Variants in MBNL2 observed in about 807,000 individuals in gnomAD.
MBNL2 encodes muscleblind like splicing regulator 2, also known as muscleblind-like protein 2.
A neutral mutation model predicts 41.9 loss-of-function variants in MBNL2; 17 were observed. The observed-to-expected ratio is 0.41, with a 90% CI of 0.28 to 0.61. The LOEUF is 0.61. MBNL2 is among the 20% of genes least tolerant of loss of function. MBNL2 has a pLI of 0.35. For synonymous variants in MBNL2, 195 were observed against 182.9 expected, an observed-to-expected ratio of 1.07 and a Z score of -0.53; for missense variants, 336 against 505.6, an observed-to-expected ratio of 0.66 and a Z score of 3.22.
upstream of MBNL2, among the ~76,000 whole-genome samples, chr13:97,221,859 A>T (rs2040887617): frequency 6.6e-6 from 1 of 152,278 alleles, no homozygotes; most frequent in Admixed American, 6.5e-5. Flanking sequence ...AATAATGGAA[A>T]TATGTAAATG....
At chr13:97,153,889 T>C in the MBNL2 span, among the ~76,000 whole-genome samples, 2 of 152,188 alleles carry the variant, frequency 1.3e-5, no homozygotes, top group African/African-American at 4.8e-5. Context: ...TTCTCCTATA[T>C]ATCACTCCTA....
chr13:97,366,735 C>CTGTT lies in MBNL2; in HGVS notation c.1048+1564_1048+1565insTGTT. ...ACTTATTTAGAGTTAACATTTACTGCAAATAATGATGTAGCTATGTTTTGT... is the reference window on the plus strand; with the variant it reads ...ACTTATTTAGAGTTAACATTTACTGCTGTTAAATAATGATGTAGCTATGTTTTGT... On this transcript the variant is annotated intron_variant, in intron 8 of 8. Transcript: ENST00000679496. This position sits in a 1 kb window ranked among gnomAD's most constrained non-coding sequence, Gnocchi z 4.7. 1.5e-6 allele frequency: 1 copy of CTGTT among 667,130 alleles called. No individual in the cohort carries two copies. Among genetic ancestry groups the CTGTT allele is most frequent in the South Asian group, 1.6e-5 (1 of 61,040 alleles). The allele number at this position is 667,130 out of a possible 1,614,324, so 41.3% of individuals were successfully genotyped here.
intron 1 of MBNL2, among the ~76,000 whole-genome samples, chr13:97,255,695 A>C (rs1198091701): frequency 1.3e-5 from 2 of 152,218 alleles, no homozygotes; most frequent in African/African-American, 4.8e-5. Context: ...TGCAAATAGG[A>C]AAGCTGGTTG....
intron 5 of MBNL2, among the ~76,000 whole-genome samples, chr13:97,349,293 G>A (rs757740908): frequency 9.9e-5 from 15 of 152,142 alleles, no homozygotes; most frequent in Non-Finnish European, 1.8e-4. Flanking sequence ...GAGGAGGAGA[G>A]TAAACTGATC....
intron 2 of MBNL2, among the ~76,000 whole-genome samples, chr13:97,297,804 C>T (rs2057214593): frequency 6.6e-6 from 1 of 152,210 alleles, no homozygotes; most frequent in Non-Finnish European, 1.5e-5. Flanking sequence ...AATGCAGTTG[C>T]AGACGAAGTT....
the MBNL2 span, among the ~76,000 whole-genome samples, chr13:97,156,270 T>TCC: frequency 1.5e-5 from 2 of 137,086 alleles, no homozygotes; most frequent in African/African-American, 2.8e-5. Context: ...TAAATTTGTT[T>TCC]GAGTTCATTG....
rs1317928111 is a variant in MBNL2 at position 97,348,162 on chromosome 13, A to G, written c.804+1095A>G. On this transcript the variant is annotated intron_variant, in intron 5 of 8. Transcript: ENST00000679496. ...TGATCATGGGTCACTGTAGCTTTAA[A>G]CTCCTGGGCTCAAGTGATCCTCCCA... 2.9e-5 allele frequency among the ~76,000 whole-genome samples: 4 copies of G among 138,908 alleles called. No individual in the cohort carries two copies. In the Admixed American group the frequency reaches 2.9e-4, roughly 10 times the overall value. 91.1% of individuals were successfully genotyped at this position (138,908 alleles called of 152,430 possible).
At chr13:97,191,249 A>C in the MBNL2 span, among the ~76,000 whole-genome samples, 1 of 151,388 alleles carries the variant, frequency 6.6e-6, no homozygotes, top group African/African-American at 2.4e-5. Context: ...AAGGGTGTGC[A>C]CTGGGGTGGA....
At chr13:97,297,452 G>GA (rs557283906) in intron 2 of MBNL2, among the ~76,000 whole-genome samples, 92 of 152,190 alleles carry the variant, frequency 6.0e-4, no homozygotes, top group Middle Eastern at 3.4e-3. Flanking sequence ...GCGGAGGTCA[G>GA]AAAAAACATC....
the MBNL2 span, among the ~76,000 whole-genome samples, chr13:97,184,078 G>A: frequency 1.3e-5 from 2 of 152,114 alleles, no homozygotes; most frequent in African/African-American, 2.4e-5. Context: ...CCAAACCATG[G>A]GTTTTAAAAA....
At chr13:97,275,113 T>C (rs1238431952) in intron 1 of MBNL2, among the ~76,000 whole-genome samples, 1 of 152,240 alleles carries the variant, frequency 6.6e-6, no homozygotes, top group South Asian at 2.1e-4. Context: ...AGTATTAAGA[T>C]ACCTGAGAAA....
At chr13:97,277,977 C>T (rs141315364) in intron 2 of MBNL2, among the ~76,000 whole-genome samples, 140 of 152,028 alleles carry the variant, frequency 9.2e-4, no homozygotes, top group African/African-American at 3.1e-3. Flanking sequence ...CAGTGTAGGC[C>T]GGGCATGGTG....
intron 8 of MBNL2, among the ~76,000 whole-genome samples, chr13:97,383,592 T>C (rs926394314): frequency 7.2e-5 from 11 of 152,164 alleles, no homozygotes; most frequent in Non-Finnish European, 1.3e-4. Context: ...ATATAAACTT[T>C]CTACTAAACA....
At chr13:97,187,900 T>G in the MBNL2 span, among the ~76,000 whole-genome samples, 1 of 126,060 alleles carries the variant, frequency 7.9e-6, no homozygotes, top group African/African-American at 2.6e-5. Flanking sequence ...CAGTGAGACT[T>G]CGTCTCAAAA....
intron 2 of MBNL2, among the ~76,000 whole-genome samples, chr13:97,322,996 G>A (rs1318840354): frequency 2.0e-5 from 3 of 152,202 alleles, no homozygotes; most frequent in Non-Finnish European, 2.9e-5. Flanking sequence ...CTCTGGAGGA[G>A]GCACTGGAGT....
chr13:97,192,453 A>T, the MBNL2 span, among the ~76,000 whole-genome samples: 1 of 152,212 alleles, frequency 6.6e-6, no homozygotes, highest in Non-Finnish European at 1.5e-5. Flanking sequence ...AGGCTGGGCT[A>T]ACACCAGAGC....
the MBNL2 span, among the ~76,000 whole-genome samples, chr13:97,191,464 G>C: frequency 1.3e-5 from 2 of 151,572 alleles, no homozygotes; most frequent in African/African-American, 4.9e-5. Flanking sequence ...AATTTTCATG[G>C]CTGTGGGACG....
At chr13:97,236,639 G>A (rs1025752472) in intron 1 of MBNL2, among the ~76,000 whole-genome samples, 25 of 151,826 alleles carry the variant, frequency 1.6e-4, no homozygotes, top group East Asian at 1.9e-4. Flanking sequence ...TTGGACCTCC[G>A]CTTTTTATTC....
At chr13:97,323,166 C>T (rs2059641693) in intron 2 of MBNL2, among the ~76,000 whole-genome samples, 1 of 152,192 alleles carries the variant, frequency 6.6e-6, no homozygotes, top group African/African-American at 2.4e-5. Context: ...GTCCAAATTC[C>T]AGGCAGCCTT....
Sources: allele counts gnomAD v4.1 joint callset (sites outside exome capture counted in the v4.1 genomes callset), GRCh38; gene constraint gnomAD v4.1.1; non-coding constraint Gnocchi (gnomAD v3.1); transcripts MANE v1.5; gene names NCBI Gene and HGNC (gene_info 2026-07-23, HGNC 2026-07-21).